Variants in NLGN1 observed in about 807,000 individuals in gnomAD.
NLGN1 encodes neuroligin 1.
NLGN1 carries 12 observed loss-of-function variants against 65.5 expected under a neutral mutation model. The observed-to-expected ratio is 0.18, with a 90% CI of 0.12 to 0.30. The LOEUF is 0.30. Among genes scored for constraint, NLGN1 ranks in the 10% least tolerant of loss-of-function variants. NLGN1 has a pLI of 1.00. For synonymous variants in NLGN1, 350 were observed against 359.5 expected (o/e 0.97, Z 0.30); for missense variants, 750 against 1,007.1 (o/e 0.74, Z 3.46).
chr3:173,620,429 A>G (rs1195053015), intron 3 of NLGN1, among the ~76,000 whole-genome samples: 1 of 152,100 alleles, frequency 6.6e-6, no homozygotes, highest in Admixed American at 6.6e-5. Context: ...TACTTCCCCT[A>G]ACCAGCCTTG....
chr3:173,600,878 G>A (rs1035776198), intron 2 of NLGN1, among the ~76,000 whole-genome samples: 2 of 151,844 alleles, frequency 1.3e-5, no homozygotes, highest in African/African-American at 2.4e-5. Flanking sequence ...TTGGATGAAT[G>A]TGGCCACCCA....
intron 2 of NLGN1, among the ~76,000 whole-genome samples, chr3:173,575,996 C>A (rs558170990): frequency 6.6e-6 from 1 of 152,098 alleles, no homozygotes; most frequent in Admixed American, 6.5e-5. Flanking sequence ...CCTTATGTGG[C>A]CATTGAGCTA....
At chr3:173,854,978 A>C (rs2150761897) in intron 4 of NLGN1, among the ~76,000 whole-genome samples, 1 of 152,208 alleles carries the variant, frequency 6.6e-6, no homozygotes, top group Non-Finnish European at 1.5e-5. Flanking sequence ...ACAAAGAATT[A>C]TTTTTTACAG....
intron 3 of NLGN1, among the ~76,000 whole-genome samples, chr3:173,770,341 G>T (rs1359454642): frequency 6.6e-6 from 1 of 152,082 alleles, no homozygotes; most frequent in Non-Finnish European, 1.5e-5. Flanking sequence ...ATTTTCCCAA[G>T]GTTACCTGCA....
intron 3 of NLGN1, among the ~76,000 whole-genome samples, chr3:173,790,745 G>A (rs1237163906): frequency 6.6e-6 from 1 of 151,958 alleles, no homozygotes; most frequent in African/African-American, 2.4e-5. Flanking sequence ...ATAGAAGAGA[G>A]GTGAAGGGCA....
chr3:173,466,401 G>C (rs913924393), intron 2 of NLGN1, among the ~76,000 whole-genome samples: 1 of 152,134 alleles, frequency 6.6e-6, no homozygotes, highest in African/African-American at 2.4e-5. Context: ...TATTTGAGGA[G>C]TTCCTAGTTG....
At chr3:173,578,000 G>A (rs1477835369) in intron 2 of NLGN1, among the ~76,000 whole-genome samples, 4 of 152,106 alleles carry the variant, frequency 2.6e-5, no homozygotes, top group East Asian at 1.9e-4. Flanking sequence ...ACTTTGGGAG[G>A]CTGAGGCAGG....
Position 173,604,553 on chromosome 3 carries a change from C to T in NLGN1, c.-46C>T, listed in dbSNP as rs201240734. 2.2e-4 allele frequency: 356 copies of T among 1,594,112 alleles called. No homozygotes were observed. Among genetic ancestry groups the T allele is most frequent in the African/African-American group, 1.4e-3 (104 of 74,484 alleles). ...AGTCTTTCTCAAGTGGATATAAATA[C>T]GTTTGCCTCACTGTAACCAGACAAC... On this transcript the variant is annotated 5_prime_UTR_variant, in exon 3 of 7. The change creates a new upstream start codon in the 5' untranslated region. Coordinates refer to ENST00000457714, the Ensembl canonical transcript of NLGN1.
intron 4 of NLGN1, among the ~76,000 whole-genome samples, chr3:173,811,724 T>G (rs1717994789): frequency 6.6e-6 from 1 of 152,016 alleles, no homozygotes; most frequent in Non-Finnish European, 1.5e-5. Context: ...ATATATAAGA[T>G]AAGAATTGAA....
At chr3:173,891,543 T>C (rs1735332871) in intron 4 of NLGN1, among the ~76,000 whole-genome samples, 1 of 152,160 alleles carries the variant, frequency 6.6e-6, no homozygotes, top group Admixed American at 6.6e-5. Context: ...CCTTTATTCC[T>C]TCTTCTAAAG....
chr3:173,548,131 T>C (rs1029221753), intron 2 of NLGN1, among the ~76,000 whole-genome samples: 6 of 152,112 alleles, frequency 3.9e-5, no homozygotes, highest in African/African-American at 1.4e-4. Flanking sequence ...AGCCAGTGCC[T>C]ACCAAAACCA....
chr3:173,625,249 G>A (rs1036563638), intron 3 of NLGN1, among the ~76,000 whole-genome samples: 1 of 152,056 alleles, frequency 6.6e-6, no homozygotes, highest in Non-Finnish European at 1.5e-5. Context: ...GTAATCTAGG[G>A]AAATTTTTCA....
intron 2 of NLGN1, among the ~76,000 whole-genome samples, chr3:173,477,254 A>AC (rs1726385289): frequency 6.6e-6 from 1 of 151,960 alleles, no homozygotes; most frequent in Non-Finnish European, 1.5e-5. Flanking sequence ...CAAGAATGAA[A>AC]CCCTGACCAG....
intron 4 of NLGN1, among the ~76,000 whole-genome samples, chr3:174,154,660 G>A (rs747595643): frequency 5.9e-5 from 9 of 151,664 alleles, no homozygotes; most frequent in Non-Finnish European, 1.2e-4. Context: ...CAGACTTTGT[G>A]CAGAAAACTG....
chr3:173,706,178 T>G (rs754586329), intron 3 of NLGN1, among the ~76,000 whole-genome samples: 1 of 152,182 alleles, frequency 6.6e-6, no homozygotes, highest in Non-Finnish European at 1.5e-5. Context: ...GGTATATACC[T>G]TTCCATACTT....
intron 4 of NLGN1, among the ~76,000 whole-genome samples, chr3:174,042,310 A>G (rs1732517648): frequency 6.6e-6 from 1 of 152,108 alleles, no homozygotes; most frequent in Middle Eastern, 3.2e-3. Flanking sequence ...CCATACAGGT[A>G]TCCCCCTGCA....
upstream of NLGN1, chr3:173,396,280 T>G (rs1054333008): frequency 6.6e-6 from 1 of 152,232 alleles, no homozygotes; most frequent in African/African-American, 2.4e-5. Flanking sequence ...CCTCTAAATC[T>G]TCTCGGAAAT....
intron 4 of NLGN1, among the ~76,000 whole-genome samples, chr3:173,953,865 C>T (rs1322201781): frequency 6.6e-6 from 1 of 152,110 alleles, no homozygotes; most frequent in Non-Finnish European, 1.5e-5. Flanking sequence ...TATCTGCTTT[C>T]CTGATGTAAT....
chr3:174,228,912 G>T (rs1256945328), intron 4 of NLGN1, among the ~76,000 whole-genome samples: 1 of 151,958 alleles, frequency 6.6e-6, no homozygotes, highest in East Asian at 1.9e-4. Flanking sequence ...TTTTTACCTT[G>T]TAAAAACTAG....
Sources: allele counts gnomAD v4.1 joint callset (sites outside exome capture counted in the v4.1 genomes callset), GRCh38; gene constraint gnomAD v4.1.1; transcripts MANE v1.5; gene names NCBI Gene and HGNC (gene_info 2026-07-23, HGNC 2026-07-21).